Variants in CHD6 observed in about 807,000 individuals in gnomAD.
The protein encoded by CHD6 is chromodomain helicase DNA binding protein 6, also known as ATP-dependent chromatin remodeler CHD6.
In CHD6, 50 loss-of-function variants were observed where a neutral mutation model predicts 276.9. The ratio of observed to expected loss-of-function variants is 0.18; its 90% CI spans 0.14 to 0.23. The LOEUF (loss-of-function observed/expected upper bound fraction) is 0.23, where lower values mean the gene tolerates loss of function less well. Ranked by LOEUF, CHD6 falls within the 10% of genes least tolerant of loss-of-function variation. CHD6 has a pLI of 1.00. For missense variants in CHD6, 2,564 were observed against 3,365.8 expected (o/e 0.76, Z 5.89); for synonymous variants, 1,173 against 1,229.3 (o/e 0.95, Z 0.96).
chr20:41,496,363 C>T (rs2043685271), intron 8 of CHD6, among the ~76,000 whole-genome samples: 2 of 152,114 alleles, frequency 1.3e-5, no homozygotes. Flanking sequence ...GACATTTATT[C>T]TCTCAGTATT....
chr20:41,508,292 T>C (rs1448378433), intron 5 of CHD6, among the ~76,000 whole-genome samples: 1 of 152,000 alleles, frequency 6.6e-6, no homozygotes, highest in Non-Finnish European at 1.5e-5. Context: ...GGAGTAGTAA[T>C]CAGAGTAAAC....
chr20:41,439,916 T>TA (rs1378793848), intron 26 of CHD6, 84 bp downstream of exon 26: 24 of 1,408,008 alleles, frequency 1.7e-5, no homozygotes, highest in Admixed American at 8.8e-5. Context: ...GAGGAAGAGA[T>TA]AAAGAGTGCT....
chr20:41,410,747 A>G (rs1473570370), intron 36 of CHD6, among the ~76,000 whole-genome samples: 1 of 152,164 alleles, frequency 6.6e-6, no homozygotes, highest in Non-Finnish European at 1.5e-5. Context: ...AGGGATGAAC[A>G]CTAATTTCCA....
intron 36 of CHD6, among the ~76,000 whole-genome samples, chr20:41,409,585 A>G (rs1162940967): frequency 6.6e-6 from 1 of 152,176 alleles, no homozygotes; most frequent in Non-Finnish European, 1.5e-5. Flanking sequence ...CAACAAACGC[A>G]CGCTGGGTGA....
At chr20:41,601,125 C>T (rs758400639) in intron 1 of CHD6, among the ~76,000 whole-genome samples, 5 of 152,214 alleles carry the variant, frequency 3.3e-5, no homozygotes, top group Non-Finnish European at 7.3e-5. Context: ...AATCCCAACT[C>T]AGATGTTAAC....
intron 11 of CHD6, 67 bp downstream of exon 11, chr20:41,491,631 G>C (rs1279251271): frequency 3.1e-6 from 5 of 1,598,200 alleles, no homozygotes; most frequent in African/African-American, 1.3e-5. Context: ...TGCGACTCTA[G>C]GTGTTCCAGG....
At chr20:41,462,538 G>C (rs1478838688) in intron 17 of CHD6, among the ~76,000 whole-genome samples, 1 of 152,302 alleles carries the variant, frequency 6.6e-6, no homozygotes, top group Non-Finnish European at 1.5e-5. Flanking sequence ...AATGAGTAAA[G>C]ATACCGGGGG....
At chr20:41,535,470 A>T (rs1389877017) in intron 2 of CHD6, among the ~76,000 whole-genome samples, 1 of 152,228 alleles carries the variant, frequency 6.6e-6, no homozygotes, top group East Asian at 1.9e-4. Flanking sequence ...CCATCTGGCC[A>T]AAGCTCACAC....
intron 2 of CHD6, among the ~76,000 whole-genome samples, chr20:41,538,757 T>C (rs945404874): frequency 1.3e-5 from 2 of 152,200 alleles, no homozygotes; most frequent in Non-Finnish European, 2.9e-5. Flanking sequence ...TAGCAACATG[T>C]AGTGAATTCT....
intron 1 of CHD6, among the ~76,000 whole-genome samples, chr20:41,560,829 T>TA: frequency 6.6e-6 from 1 of 150,506 alleles, no homozygotes. Flanking sequence ...ATATAAAGCC[T>TA]AAAACAAATA....
chr20:41,457,426 A>G lies in CHD6; in HGVS notation c.2667T>C (p.Ala889=). Residue 889 remains alanine (A), a splice_region_variant and synonymous_variant, in exon 18 of 37, where the codon GCT becomes GCC. Coordinates refer to ENST00000373233, the MANE Select transcript of CHD6 (RefSeq NM_032221.5). ...SDWNPQNDLQ[A]QARCHRIGQS... ...GGCCTATGCGGTGACATCGGGCCTG[A>G]GCCTGGGAAGAAGAAGAGTCATATG... is the stretch of plus-strand genomic sequence containing the variant. 6.2e-7 allele frequency: 1 copy of G among 1,608,200 alleles called. No homozygotes were observed. Among genetic ancestry groups the G allele is most frequent in the Non-Finnish European group, 8.5e-7 (1 of 1,175,142 alleles).
chr20:41,544,680 CTAAT>C (rs1202516410), intron 2 of CHD6, among the ~76,000 whole-genome samples: 2 of 149,780 alleles, frequency 1.3e-5, no homozygotes, highest in African/African-American at 4.9e-5. Flanking sequence ...ATATTTTATA[CTAAT>C]TAAAATATTA....
intron 22 of CHD6, 106 bp from the exon 23 acceptor site, chr20:41,451,211 C>T (rs1217508870): frequency 3.1e-6 from 3 of 966,492 alleles, no homozygotes; most frequent in South Asian, 3.1e-5. Flanking sequence ...TTGGGCTGTG[C>T]TCTGGATGGC....
rs754739517 is a variant in CHD6 at position 41,514,899 on chromosome 20, C to T, written c.608G>A (p.Ser203Asn). The T allele has an allele frequency of 6.2e-7, 1 of 1,614,080 alleles. No homozygotes were observed. Among genetic ancestry groups the T allele is most frequent in the South Asian group, 1.1e-5 (1 of 91,082 alleles). The change falls in exon 4 of 37, where the codon AGT becomes AAT. Residue 203 changes from serine to asparagine, a missense_variant. Transcript: ENST00000373233. Reference protein sequence around the residue: ...VEKKKKGKRKSETTVESLELD... With the variant: ...VEKKKKGKRKNETTVESLELD... The stretch of plus-strand genomic sequence containing the variant: ...CTCTAAACTCTCCACTGTAGTTTCA[C>T]TTTTCCTTTTTCCTTTCTTCTTTTT...
At chr20:41,587,125 A>C (rs1034276682) in intron 1 of CHD6, among the ~76,000 whole-genome samples, 1 of 152,268 alleles carries the variant, frequency 6.6e-6, no homozygotes, top group African/African-American at 2.4e-5. Context: ...GTCATAGGCT[A>C]TAAGATTGAC....
At chr20:41,550,604 T>C (rs147061173) in intron 2 of CHD6, among the ~76,000 whole-genome samples, 4 of 152,246 alleles carry the variant, frequency 2.6e-5, no homozygotes, top group South Asian at 2.1e-4. Context: ...AAAGCAGGGA[T>C]TTAGATACCC....
At chr20:41,522,531 T>C (rs531661234) in intron 3 of CHD6, among the ~76,000 whole-genome samples, 5 of 152,166 alleles carry the variant, frequency 3.3e-5, no homozygotes, top group African/African-American at 1.2e-4. Flanking sequence ...ACGAAAAGAA[T>C]AACTAGACAA....
chr20:41,447,838 T>C (rs1400280880), intron 24 of CHD6, 44 bp downstream of exon 24: 2 of 1,431,652 alleles, frequency 1.4e-6, no homozygotes, highest in East Asian at 4.6e-5. Flanking sequence ...AGGCATTTTA[T>C]GTCAATTCTT....
chr20:41,442,791 C>T (rs1230162529), intron 25 of CHD6, among the ~76,000 whole-genome samples: 1 of 152,180 alleles, frequency 6.6e-6, no homozygotes, highest in Non-Finnish European at 1.5e-5. Flanking sequence ...ATGGAATAGG[C>T]AGCACCCAGG....
Sources: allele counts gnomAD v4.1 joint callset (sites outside exome capture counted in the v4.1 genomes callset), GRCh38; gene constraint gnomAD v4.1.1; transcripts MANE v1.5; gene names NCBI Gene and HGNC (gene_info 2026-07-23, HGNC 2026-07-21).